The following MCF2L2 variants were observed in gnomAD, a reference collection of about 807,000 sequenced individuals.
MCF2L2 encodes MCF.2 cell line derived transforming sequence-like 2.
MCF2L2 carries 102 observed loss-of-function variants against 150.2 expected under a neutral mutation model. That is an observed-to-expected ratio of 0.68 (90% confidence interval 0.58 to 0.80). MCF2L2 has a LOEUF of 0.80. Among genes scored for constraint, MCF2L2 ranks in the 30% least tolerant of loss-of-function variants. The pLI, the probability that MCF2L2 is intolerant of heterozygous loss-of-function variation, is 0.00. For missense variants in MCF2L2, 1,256 were observed against 1,372.8 expected, an observed-to-expected ratio of 0.91 and a Z score of 1.34; for synonymous variants, 465 against 491.3, an observed-to-expected ratio of 0.95 and a Z score of 0.71.
intron 15 of MCF2L2, among the ~76,000 whole-genome samples, chr3:183,255,660 C>T (rs1724975929): frequency 6.6e-6 from 1 of 152,202 alleles, no homozygotes; most frequent in South Asian, 2.1e-4. Flanking sequence ...ATGCTTATAA[C>T]TGCTCTGCCC....
At chr3:183,231,815 T>C (rs901238547) in intron 15 of MCF2L2, among the ~76,000 whole-genome samples, 3 of 152,210 alleles carry the variant, frequency 2.0e-5, no homozygotes, top group Non-Finnish European at 4.4e-5. Context: ...GTTAGATGTA[T>C]GCTAGCTCCT....
chr3:183,330,447 AG>A (rs141249593), intron 5 of MCF2L2, among the ~76,000 whole-genome samples: 5,886 of 152,196 alleles, frequency 0.039, 377 homozygotes, highest in African/African-American at 0.13. Context: ...CTCTGCAAAA[AG>A]GCAAAACTAT....
chr3:183,240,274 G>C (rs1040602859), intron 15 of MCF2L2, among the ~76,000 whole-genome samples: 10 of 152,230 alleles, frequency 6.6e-5, no homozygotes, highest in Non-Finnish European at 1.3e-4. Context: ...TTGTTGCCCA[G>C]GCTGGAGTGC....
intron 6 of MCF2L2, among the ~76,000 whole-genome samples, chr3:183,319,194 C>T (rs1244822678): frequency 2.0e-5 from 3 of 152,222 alleles, no homozygotes; most frequent in African/African-American, 7.2e-5. Context: ...ATGTGCATAA[C>T]GTCATCACCA....
chr3:183,228,507 T>C (rs1290433633), intron 17 of MCF2L2, 141 bp from the exon 18 acceptor site: 3 of 525,806 alleles, frequency 5.7e-6, no homozygotes, highest in Admixed American at 3.2e-5. Flanking sequence ...CTTCTACACA[T>C]TGATTCAGAA....
intron 6 of MCF2L2, among the ~76,000 whole-genome samples, chr3:183,322,414 G>A (rs544094315): frequency 2.0e-5 from 3 of 152,076 alleles, no homozygotes; most frequent in Non-Finnish European, 2.9e-5. Context: ...GGTGTTCAGC[G>A]GAGTCCCTGA....
chr3:183,256,891 G>A (rs1201706363), intron 15 of MCF2L2, among the ~76,000 whole-genome samples: 3 of 152,100 alleles, frequency 2.0e-5, no homozygotes, highest in Non-Finnish European at 4.4e-5. Flanking sequence ...ACATGAGAAG[G>A]ACCATATTCA....
At chr3:183,316,074 C>G (rs1729591074) in intron 7 of MCF2L2, among the ~76,000 whole-genome samples, 1 of 152,186 alleles carries the variant, frequency 6.6e-6, no homozygotes, top group East Asian at 1.9e-4. Context: ...CAGGACCACT[C>G]TGCAGACTCC....
chr3:183,278,560 C>A (rs895727728), intron 14 of MCF2L2, among the ~76,000 whole-genome samples: 2 of 152,170 alleles, frequency 1.3e-5, no homozygotes, highest in South Asian at 2.1e-4. Context: ...CATTACTATG[C>A]CTGAATTCCC....
chr3:183,420,087 G>T (rs1715799766), intron 1 of MCF2L2, among the ~76,000 whole-genome samples: 1 of 152,176 alleles, frequency 6.6e-6, no homozygotes, highest in Non-Finnish European at 1.5e-5. Flanking sequence ...ACTTCATTGT[G>T]CATATCATTA....
chr3:183,291,925 A>C (rs1728171698), intron 13 of MCF2L2, among the ~76,000 whole-genome samples: 1 of 152,198 alleles, frequency 6.6e-6, no homozygotes, highest in Non-Finnish European at 1.5e-5. Context: ...GGAAACAACG[A>C]ATGAGGCCAA....
At chr3:183,386,768 A>G (rs1461288149) in intron 2 of MCF2L2, among the ~76,000 whole-genome samples, 2 of 152,234 alleles carry the variant, frequency 1.3e-5, no homozygotes, top group East Asian at 1.9e-4. Context: ...CAACAACTAT[A>G]CAGGCCCCCA....
At chr3:183,422,003 C>T (rs1380821693) in intron 1 of MCF2L2, among the ~76,000 whole-genome samples, 1 of 152,216 alleles carries the variant, frequency 6.6e-6, no homozygotes, top group Non-Finnish European at 1.5e-5. Flanking sequence ...TTATATCATA[C>T]TCAGCTGTTA....
At chr3:183,219,951 A>G in intron 20 of MCF2L2, 27 bp from the exon 21 acceptor site, 1 of 1,553,808 alleles carries the variant, frequency 6.4e-7, no homozygotes. Context: ...GTCTTGTTGA[A>G]AATTAAAATG....
At chr3:183,243,755 C>T (rs551246442) in intron 15 of MCF2L2, among the ~76,000 whole-genome samples, 4 of 152,258 alleles carry the variant, frequency 2.6e-5, no homozygotes, top group East Asian at 3.9e-4. Flanking sequence ...TTGAACAGTT[C>T]GTGCCAAGGA....
At chr3:183,224,333 T>C in intron 18 of MCF2L2, 143 bp from the exon 19 acceptor site, 1 of 606,816 alleles carries the variant, frequency 1.6e-6, no homozygotes, top group Non-Finnish European at 2.9e-6. Context: ...TAATCTTATG[T>C]TGGGATGTGT....
At chr3:183,234,002 C>A (rs1400923145) in intron 15 of MCF2L2, among the ~76,000 whole-genome samples, 2 of 152,088 alleles carry the variant, frequency 1.3e-5, no homozygotes, top group Admixed American at 6.6e-5. Flanking sequence ...GTCTAAAACT[C>A]CCAAAAAGTT....
intron 3 of MCF2L2, chr3:183,374,982 A>G (rs953994901): frequency 1.3e-5 from 2 of 152,264 alleles, no homozygotes; most frequent in Admixed American, 6.5e-5. Context: ...ACCCATGGTC[A>G]TAAGATGTTT....
chr3:183,370,635 C>A (rs757599582), intron 3 of MCF2L2, among the ~76,000 whole-genome samples: 10 of 151,828 alleles, frequency 6.6e-5, no homozygotes, highest in Non-Finnish European at 1.3e-4. Context: ...GGCAAATGAA[C>A]AAAGAAAAGC....
Sources: gnomAD v4.1 joint callset for allele counts (sites outside exome capture counted in the v4.1 genomes callset) on GRCh38, gnomAD v4.1.1 for gene constraint, MANE v1.5 for transcripts, NCBI Gene and HGNC (gene_info 2026-07-23, HGNC 2026-07-21) for gene names.